SMIM21: variants seen among roughly 807,000 people sequenced by gnomAD.
SMIM21 encodes chromosome 18 open reading frame 62.
SMIM21 carries 8 observed loss-of-function variants against 8.6 expected under a neutral mutation model. The observed-to-expected ratio is 0.93, with a 90% CI of 0.55 to 1.68. The LOEUF is 1.68. SMIM21 is among the 40% of genes most tolerant of loss of function. The pLI, the probability that SMIM21 is intolerant of heterozygous loss-of-function variation, is 0.00. For missense variants in SMIM21, 132 were observed against 123.0 expected, an observed-to-expected ratio of 1.07 and a Z score of -0.35; for synonymous variants, 43 against 41.7, an observed-to-expected ratio of 1.03 and a Z score of -0.12.
chr18:75,420,464 G>C (rs949532336), intron 1 of SMIM21, among the ~76,000 whole-genome samples: 3 of 152,068 alleles, frequency 2.0e-5, no homozygotes, highest in African/African-American at 7.2e-5. Flanking sequence ...ACAATCATTA[G>C]AGAGCTACTC....
intron 1 of SMIM21, among the ~76,000 whole-genome samples, chr18:75,422,039 A>G (rs2144557411): frequency 6.6e-6 from 1 of 152,280 alleles, no homozygotes; most frequent in African/African-American, 2.4e-5. Context: ...TAGCCTTCAC[A>G]AGTGGACAGC....
intron 1 of SMIM21, among the ~76,000 whole-genome samples, chr18:75,422,342 T>C (rs1296169020): frequency 6.6e-6 from 1 of 151,990 alleles, no homozygotes; most frequent in Non-Finnish European, 1.5e-5. Flanking sequence ...ACTGAACATT[T>C]AACCCCCAGT....
chr18:75,422,480 TA>T (rs1362384624), intron 1 of SMIM21, among the ~76,000 whole-genome samples: 1 of 152,024 alleles, frequency 6.6e-6, no homozygotes, highest in Admixed American at 6.6e-5. Context: ...CCAAGAGAAG[TA>T]AAAACATATG....
intron 1 of SMIM21, among the ~76,000 whole-genome samples, chr18:75,423,649 A>G (rs1187931211): frequency 1.3e-5 from 2 of 152,240 alleles, no homozygotes; most frequent in African/African-American, 2.4e-5. Context: ...GGGATGTCTC[A>G]TGGTTCCCGT....
At chr18:75,423,578 G>A (rs1292643478) in intron 1 of SMIM21, among the ~76,000 whole-genome samples, 1 of 152,262 alleles carries the variant, frequency 6.6e-6, no homozygotes, top group Non-Finnish European at 1.5e-5. Context: ...AAGAGATTTG[G>A]AGAAGTCACT....
chr18:75,410,596 C>G lies in SMIM21; in HGVS notation c.*268G>C. The G allele has an allele frequency of 1.4e-6, 1 of 709,644 alleles. No individual in the cohort carries two copies. 44.0% of individuals were successfully genotyped at this position (709,644 alleles called of 1,614,324 possible). ...TTGCACTGCTGGATCTGTTTCGACA[C>G]GCAGGGCAGATTTCGCAGGGTTGGG... On this transcript the variant is annotated 3_prime_UTR_variant, in exon 3 of 3. Transcript: ENST00000579022.
Position 75,418,901 on chromosome 18 carries a change from GGT to G in SMIM21, c.143_144del (p.His48ProfsTer21). The part of the protein sequence containing the change: ...KKALTTFENE[H>X]HIRFFTLLVL... ...ACCAACAATGTGAAGAAACGAATAT[GGT>G]GTTCATTTTCAAACTGAAAAAGGAA... On this transcript the variant is annotated frameshift_variant, in exon 2 of 3. Transcript: ENST00000579022. LOFTEE classifies it high-confidence loss of function. The G allele has an allele frequency of 1.3e-6, 2 of 1,599,678 alleles. No individual in the cohort carries two copies. Among genetic ancestry groups the G allele is most frequent in the South Asian group, 2.2e-5 (2 of 90,442 alleles).
chr18:75,413,814 C>G (rs2024608532), intron 2 of SMIM21, among the ~76,000 whole-genome samples: 1 of 152,064 alleles, frequency 6.6e-6, no homozygotes, highest in Admixed American at 6.6e-5. Flanking sequence ...AGTGCAAACA[C>G]CTTGTCTACT....
intron 2 of SMIM21, 113 bp from the exon 3 acceptor site, chr18:75,411,022 A>G: frequency 7.0e-7 from 1 of 1,432,722 alleles, no homozygotes; most frequent in Non-Finnish European, 9.5e-7. Flanking sequence ...TTAAAATTTA[A>G]TTTTTCCCCC....
intron 1 of SMIM21, among the ~76,000 whole-genome samples, chr18:75,421,357 A>C (rs1481299878): frequency 6.6e-6 from 1 of 152,158 alleles, no homozygotes; most frequent in Non-Finnish European, 1.5e-5. Context: ...GTGCACAGGG[A>C]CAGTATTTTG....
intron 1 of SMIM21, among the ~76,000 whole-genome samples, chr18:75,424,467 G>A (rs907626289): frequency 1.3e-5 from 2 of 152,082 alleles, no homozygotes; most frequent in African/African-American, 4.8e-5. Flanking sequence ...ACAGCACTTG[G>A]GAGTTTCACA....
At chr18:75,424,902 T>C (rs2024745498) in intron 1 of SMIM21, among the ~76,000 whole-genome samples, 1 of 152,158 alleles carries the variant, frequency 6.6e-6, no homozygotes, top group Non-Finnish European at 1.5e-5. Flanking sequence ...AAGCACACAA[T>C]TGCTTTTAAA....
intron 1 of SMIM21, among the ~76,000 whole-genome samples, chr18:75,421,253 C>T (rs1164793184): frequency 6.6e-6 from 1 of 152,198 alleles, no homozygotes; most frequent in Non-Finnish European, 1.5e-5. Context: ...ATGCTTCCTA[C>T]AGCATTCTGT....
intron 1 of SMIM21, among the ~76,000 whole-genome samples, chr18:75,420,845 G>A (rs756938488): frequency 1.3e-5 from 2 of 152,088 alleles, no homozygotes; most frequent in Non-Finnish European, 2.9e-5. Flanking sequence ...TAGGATCCTC[G>A]GGCCCTGTCT....
Position 75,418,905 on chromosome 18 carries a change from T to C in SMIM21, c.141A>G (p.Glu47=). ...ACAATGTGAAGAAACGAATATGGTG[T>C]TCATTTTCAAACTGAAAAAGGAAAT... ...QKKALTTFEN[E]HHIRFFTLLV... is the part of the protein sequence containing the mutation. Residue 47 remains glutamate, a synonymous_variant, in exon 2 of 3, where the codon GAA becomes GAG. Coordinates refer to ENST00000579022, the MANE Select transcript of SMIM21 (RefSeq NM_001037331.3). 1 of 1,598,680 alleles carries C rather than the reference T, an allele frequency of 6.3e-7. No homozygotes were observed. The highest frequency in any genetic ancestry group is 8.6e-7 in the Non-Finnish European group (1 of 1,167,022).
At chr18:75,424,671 G>A (rs964094766) in intron 1 of SMIM21, among the ~76,000 whole-genome samples, 3 of 152,144 alleles carry the variant, frequency 2.0e-5, no homozygotes, top group African/African-American at 7.2e-5. Flanking sequence ...CATGTCCCTT[G>A]TCCTAGAGCC....
chr18:75,414,075 TCACACACACACACACACACACATA>T (rs2024612754), intron 2 of SMIM21, among the ~76,000 whole-genome samples: 3 of 126,026 alleles, frequency 2.4e-5, no homozygotes, highest in Admixed American at 8.8e-5. Flanking sequence ...TCTCTCTGTC[TCACACACACACACACACACACATA>T]CACACACACA....
At chr18:75,414,084 C>CACACAT (rs1414415369) in intron 2 of SMIM21, among the ~76,000 whole-genome samples, 1 of 77,716 alleles carries the variant, frequency 1.3e-5, no homozygotes, top group Non-Finnish European at 2.1e-5. Flanking sequence ...CTCACACACA[C>CACACAT]ACACACACAC....
intron 2 of SMIM21, among the ~76,000 whole-genome samples, chr18:75,414,991 C>T (rs1250667929): frequency 4.6e-5 from 7 of 152,310 alleles, no homozygotes; most frequent in African/African-American, 1.7e-4. Context: ...AACAGTCATG[C>T]ACCCAATCCT....
Sources: allele counts gnomAD v4.1 joint callset (sites outside exome capture counted in the v4.1 genomes callset), GRCh38; gene constraint gnomAD v4.1.1; transcripts MANE v1.5; gene names NCBI Gene and HGNC (gene_info 2026-07-23, HGNC 2026-07-21).